The following TRIM2 variants were observed in gnomAD, a reference collection of about 807,000 sequenced individuals.
The protein encoded by TRIM2 is tripartite motif containing 2.
TRIM2 carries 20 observed loss-of-function variants against 75.2 expected under a neutral mutation model. The ratio of observed to expected loss-of-function variants is 0.27; its 90% CI spans 0.19 to 0.39. TRIM2 has a LOEUF of 0.39. Ranked by LOEUF, TRIM2 falls within the 10% of genes least tolerant of loss-of-function variation. The probability of loss-of-function intolerance (pLI) is 1.00; values close to 1 mark genes in which losing one functional copy is unlikely to be tolerated. For synonymous variants in TRIM2, 373 were observed against 388.3 expected (o/e 0.96, Z 0.46); for missense variants, 660 against 990.8 (o/e 0.67, Z 4.48).
At chr4:153,260,987 C>T (rs2149985046) in intron 1 of TRIM2, among the ~76,000 whole-genome samples, 1 of 152,210 alleles carries the variant, frequency 6.6e-6, no homozygotes, top group African/African-American at 2.4e-5. Flanking sequence ...TTAATTTATA[C>T]CACATGTTCT....
At chr4:153,184,389 G>T (rs941660558) in intron 1 of TRIM2, among the ~76,000 whole-genome samples, 3 of 152,236 alleles carry the variant, frequency 2.0e-5, no homozygotes, top group Non-Finnish European at 4.4e-5. Flanking sequence ...TTCTTATAAG[G>T]ACACTAATTC....
chr4:153,182,477 C>T (rs909840407), intron 1 of TRIM2, among the ~76,000 whole-genome samples: 9 of 152,078 alleles, frequency 5.9e-5, no homozygotes, highest in South Asian at 4.2e-4. Flanking sequence ...ACATGTTGCC[C>T]GTGACTCGGT....
At chr4:153,258,448 C>T (rs1160344449) in intron 1 of TRIM2, among the ~76,000 whole-genome samples, 1 of 151,514 alleles carries the variant, frequency 6.6e-6, no homozygotes, top group Admixed American at 6.6e-5. Context: ...AGGTTTGCTT[C>T]CTGAAACAGT....
intron 1 of TRIM2, among the ~76,000 whole-genome samples, chr4:153,189,845 T>C (rs924969531): frequency 6.6e-6 from 1 of 152,228 alleles, no homozygotes; most frequent in Non-Finnish European, 1.5e-5. Context: ...GACATTTCTT[T>C]AGAAGTGACA....
At chr4:153,298,297 A>G (rs1429607377) in intron 6 of TRIM2, among the ~76,000 whole-genome samples, 5 of 152,302 alleles carry the variant, frequency 3.3e-5, no homozygotes, top group Admixed American at 6.5e-5. Context: ...GACTTAAATG[A>G]TAGACATTTA....
At position 153,188,104 on chromosome 4, in the gene TRIM2, A is replaced by G. The variant is rs139101028; in HGVS notation, c.-49+34834A>G. Among the ~76,000 whole-genome samples the G allele has an allele frequency of 1.0e-3, 153 of 152,298 alleles. 1 individual carries two copies. The highest frequency in any genetic ancestry group is 3.4e-3 in the African/African-American group (143 of 41,554). On this transcript the variant is annotated intron_variant, in intron 1 of 11. Coordinates refer to the TRIM2 transcript ENST00000437508. ...GACGAAAGCACAGAAGCTCTAAATC[A>G]TAAGAAGCTGGAGTTGTTATTCTAA...
intron 6 of TRIM2, among the ~76,000 whole-genome samples, chr4:153,312,275 T>A (rs1236027592): frequency 6.6e-6 from 1 of 152,028 alleles, no homozygotes; most frequent in Non-Finnish European, 1.5e-5. Context: ...TAGTATTCCA[T>A]GGTGTATATG....
intron 11 of TRIM2, among the ~76,000 whole-genome samples, chr4:153,334,119 G>C (rs1231242186): frequency 6.6e-6 from 1 of 152,028 alleles, no homozygotes; most frequent in Non-Finnish European, 1.5e-5. Context: ...AGTGGAATAA[G>C]TGAAGATTTA....
At chr4:153,280,677 C>T (rs1029265290) in intron 3 of TRIM2, among the ~76,000 whole-genome samples, 1 of 145,474 alleles carries the variant, frequency 6.9e-6, no homozygotes, top group African/African-American at 2.7e-5. Flanking sequence ...CTATGTCCAG[C>T]CCACCAGCAA....
chr4:153,321,934 T>C (rs1769087262), intron 8 of TRIM2, among the ~76,000 whole-genome samples: 1 of 152,188 alleles, frequency 6.6e-6, no homozygotes, highest in African/African-American at 2.4e-5. Flanking sequence ...ATCTGAAGTT[T>C]AAGGAAATGA....
At position 153,216,985 on chromosome 4, in the gene TRIM2, T is replaced by C. The variant is rs540479718; in HGVS notation, c.30+12425T>C. 4.6e-5 allele frequency among the ~76,000 whole-genome samples: 7 copies of C among 152,342 alleles called. No homozygotes were observed. The South Asian group carries it at 1.4e-3, about 32-fold the overall frequency. On this transcript the variant is annotated intron_variant, in intron 1 of 11. Transcript: ENST00000338700. ...CAGCAATGAGATTCTGTGAGTTCTT[T>C]GATTTAGATGAACTTTGTTTAGATG...
intron 11 of TRIM2, among the ~76,000 whole-genome samples, chr4:153,330,277 AT>A (rs1771173579): frequency 6.6e-6 from 1 of 152,238 alleles, no homozygotes; most frequent in South Asian, 2.1e-4. Context: ...CTTCCAGAAA[AT>A]AGAAGATAAG....
chr4:153,314,213 G>T (rs1404655005), intron 6 of TRIM2, among the ~76,000 whole-genome samples: 2 of 144,726 alleles, frequency 1.4e-5, no homozygotes, highest in African/African-American at 5.8e-5. Flanking sequence ...GAGGTCAGGA[G>T]ATCGAGACCA....
chr4:153,325,817 C>T (rs1389007046), intron 10 of TRIM2, among the ~76,000 whole-genome samples: 1 of 152,208 alleles, frequency 6.6e-6, no homozygotes, highest in Non-Finnish European at 1.5e-5. Context: ...CTGTCCAGTG[C>T]TCCAGGCAAC....
At chr4:153,291,547 C>G (rs1761840906) in intron 3 of TRIM2, among the ~76,000 whole-genome samples, 1 of 152,088 alleles carries the variant, frequency 6.6e-6, no homozygotes, top group Admixed American at 6.5e-5. Flanking sequence ...ATGCCCTTTT[C>G]TGTATTGTGT....
At chr4:153,202,710 A>AAG (rs1560807596), upstream of TRIM2, among the ~76,000 whole-genome samples, 39 of 151,214 alleles carry the variant, frequency 2.6e-4, no homozygotes, top group South Asian at 7.7e-3. Flanking sequence ...AAAAAAAAAA[A>AAG]AAAAAGAAAT....
intron 3 of TRIM2, among the ~76,000 whole-genome samples, chr4:153,291,220 G>A (rs180945472): frequency 2.0e-5 from 3 of 152,304 alleles, no homozygotes; most frequent in Admixed American, 6.5e-5. Context: ...TGTAGTATGA[G>A]CAAGCTGAGT....
At chr4:153,196,270 C>CA (rs374951774) in intron 1 of TRIM2, among the ~76,000 whole-genome samples, 4,154 of 148,854 alleles carry the variant, frequency 0.028, 161 homozygotes, top group African/African-American at 0.085. Context: ...ACCACCCCCC[C>CA]CCACACACAC....
At chr4:153,209,128 G>A (rs1036020803) in intron 1 of TRIM2, among the ~76,000 whole-genome samples, 3 of 152,212 alleles carry the variant, frequency 2.0e-5, no homozygotes, top group African/African-American at 7.2e-5. Context: ...GGCCCCTGAA[G>A]GCACGTAAGG....
Sources: allele counts gnomAD v4.1 joint callset (sites outside exome capture counted in the v4.1 genomes callset), GRCh38; gene constraint gnomAD v4.1.1; transcripts MANE v1.5; gene names NCBI Gene and HGNC (gene_info 2026-07-23, HGNC 2026-07-21).